C10orf88: variants seen among roughly 807,000 people sequenced by gnomAD.
The protein encoded by C10orf88 is chromosome 10 open reading frame 88.
Under a neutral mutation model 34.2 loss-of-function variants are expected in C10orf88, and 29 were observed. The ratio of observed to expected loss-of-function variants is 0.85; its 90% CI spans 0.63 to 1.16. The LOEUF (loss-of-function observed/expected upper bound fraction) is 1.16. Ranked by LOEUF, C10orf88 falls within the 50% of genes most tolerant of loss-of-function variation. The pLI is 0.00. For synonymous variants in C10orf88, 194 were observed against 197.4 expected (o/e 0.98, Z 0.15); for missense variants, 507 against 533.2 (o/e 0.95, Z 0.48).
chr10:122,943,524 G>A (rs1848605964), intron 4 of C10orf88, among the ~76,000 whole-genome samples: 1 of 151,802 alleles, frequency 6.6e-6, no homozygotes, highest in South Asian at 2.1e-4. Context: ...ATTGACAAAT[G>A]GGATCTAATT....
chr10:122,938,380 C>T (rs1043826319), intron 4 of C10orf88, among the ~76,000 whole-genome samples: 17 of 151,966 alleles, frequency 1.1e-4, no homozygotes, highest in Non-Finnish European at 2.2e-4. Context: ...GGAACATGAA[C>T]GCAGGTCACT....
At chr10:122,950,122 CTAAGTT>C (rs2133336575) in intron 3 of C10orf88, among the ~76,000 whole-genome samples, 1 of 152,266 alleles carries the variant, frequency 6.6e-6, no homozygotes, top group South Asian at 2.1e-4. Context: ...TCAGACAAAC[CTAAGTT>C]TAACTTACGA....
intron 3 of C10orf88, among the ~76,000 whole-genome samples, chr10:122,950,886 A>G (rs572652592): frequency 6.6e-6 from 1 of 152,358 alleles, no homozygotes; most frequent in African/African-American, 2.4e-5. Context: ...TGAGTTTGCT[A>G]TCTGCCTGTA....
chr10:122,934,062 A>G (rs1848510943), intron 5 of C10orf88, among the ~76,000 whole-genome samples: 3 of 152,182 alleles, frequency 2.0e-5, no homozygotes, highest in Admixed American at 2.0e-4. Context: ...ACAGTTTTTA[A>G]GAAACTCTGT....
At chr10:122,939,271 CA>C (rs762755249) in intron 4 of C10orf88, among the ~76,000 whole-genome samples, 21 of 128,566 alleles carry the variant, frequency 1.6e-4, no homozygotes, top group Non-Finnish European at 2.7e-4. Context: ...ACACAAACTA[CA>C]AAAGAAAAGA....
At chr10:122,943,147 A>G (rs1848602557) in intron 4 of C10orf88, among the ~76,000 whole-genome samples, 1 of 149,006 alleles carries the variant, frequency 6.7e-6, no homozygotes, top group Non-Finnish European at 1.5e-5. Flanking sequence ...CAGTAACCAA[A>G]ACAGCATGGT....
intron 2 of C10orf88, 89 bp from the exon 3 acceptor site, chr10:122,952,115 A>C: frequency 2.7e-6 from 2 of 746,458 alleles, no homozygotes; most frequent in South Asian, 3.7e-5. Flanking sequence ...CCAGAACAAT[A>C]TTGAAATCCT....
chr10:122,933,176 G>C (rs768483784), intron 5 of C10orf88, among the ~76,000 whole-genome samples: 17 of 152,222 alleles, frequency 1.1e-4, no homozygotes, highest in Middle Eastern at 3.4e-3. Context: ...CGTTCACAAT[G>C]AACATTAGAA....
In C10orf88 at chr10:122,948,865, A is replaced by G; in HGVS notation, c.442-10T>C. 1.2e-6 allele frequency: 2 copies of G among 1,603,648 alleles called. No homozygotes were observed. Among genetic ancestry groups the G allele is most frequent in the Non-Finnish European group, 1.7e-6 (2 of 1,176,690 alleles). ...CGCCAAAGGAGAGCAACTATTATAA[A>G]ACAAAAGTTCCAGAAAAGAATGATA... is the stretch of plus-strand genomic sequence containing the variant. On this transcript the variant is annotated splice_polypyrimidine_tract_variant and intron_variant, in intron 3 of 5. Coordinates refer to ENST00000481909, the MANE Select transcript of C10orf88 (RefSeq NM_024942.4).
At position 122,954,164 on chromosome 10, in the gene C10orf88, G is replaced by T; in HGVS notation, c.15C>A (p.Thr5=). METR[T]EDGGLTRRPT... ...GGCGGCGGGTGAGGCCCCCGTCCTC[G>T]GTCCGCGTCTCCATTCCGCCGCCTT... is the stretch of plus-strand genomic sequence containing the variant. The change falls in exon 1 of 6, where the codon ACC becomes ACA. Residue 5 remains threonine, a synonymous_variant. Coordinates refer to ENST00000481909, the MANE Select transcript of C10orf88 (RefSeq NM_024942.4). The T allele has an allele frequency of 1.3e-6, 2 of 1,572,638 alleles. No homozygotes were observed. The highest frequency in any genetic ancestry group is 2.4e-5 in the East Asian group (1 of 40,848).
chr10:122,952,954 AG>A lies in C10orf88; in HGVS notation c.242del (p.Pro81LeufsTer13). The A allele has an allele frequency of 1.2e-6, 2 of 1,614,158 alleles. No individual in the cohort carries two copies. Among genetic ancestry groups the A allele is most frequent in the East Asian group, 2.2e-5 (1 of 44,880 alleles). On this transcript the variant is annotated frameshift_variant, in exon 2 of 6. Transcript: ENST00000481909. LOFTEE classifies it high-confidence loss of function. ...NPCFLYLRCG[P>X]DGGEEIASIG... The stretch of plus-strand genomic sequence containing the variant: ...TAGAAGCGATTTCTTCACCTCCATC[AG>A]GGCCACACCTCAGGTAAAGGAAGCA...
intron 4 of C10orf88, among the ~76,000 whole-genome samples, chr10:122,948,087 T>TAA (rs1229792038): frequency 6.6e-6 from 1 of 152,210 alleles, no homozygotes; most frequent in East Asian, 1.9e-4. Flanking sequence ...GTTTATGATC[T>TAA]AGCTGAAATC....
At chr10:122,945,892 T>C (rs993451435) in intron 4 of C10orf88, among the ~76,000 whole-genome samples, 12 of 151,842 alleles carry the variant, frequency 7.9e-5, no homozygotes, top group African/African-American at 2.2e-4. Flanking sequence ...GAACCTGGAG[T>C]TCGAGACCAG....
intron 3 of C10orf88, among the ~76,000 whole-genome samples, chr10:122,949,774 TG>T (rs1342761159): frequency 6.6e-6 from 1 of 152,184 alleles, no homozygotes; most frequent in African/African-American, 2.4e-5. Context: ...CACCACAACT[TG>T]CTACTTAACA....
rs1424817571 is a variant in C10orf88 at position 122,938,160 on chromosome 10, CTAAACAAGG to C, written c.649-10_649-2del. On this transcript the variant is annotated splice_acceptor_variant and splice_polypyrimidine_tract_variant and intron_variant, in intron 4 of 5. Coordinates refer to ENST00000481909, the MANE Select transcript of C10orf88 (RefSeq NM_024942.4). LOFTEE classifies it high-confidence loss of function. Reference sequence around the variant, plus strand: ...GCTGCTCTCCAATGGGAATACAATTCTAAACAAGGTAAACAAGTAAATGTTAATATTAAT... The same window carrying C: ...GCTGCTCTCCAATGGGAATACAATTCTAAACAAGTAAATGTTAATATTAAT... 1 of 1,577,076 alleles carries C rather than the reference CTAAACAAGG, an allele frequency of 6.3e-7. No homozygotes were observed. The highest frequency in any genetic ancestry group is 8.6e-7 in the Non-Finnish European group (1 of 1,163,198).
chr10:122,937,186 T>A (rs1185664547), intron 5 of C10orf88, among the ~76,000 whole-genome samples: 1 of 151,986 alleles, frequency 6.6e-6, no homozygotes, highest in African/African-American at 2.4e-5. Context: ...TACTTAGCTA[T>A]CTCTTAATCA....
intron 4 of C10orf88, among the ~76,000 whole-genome samples, chr10:122,943,037 T>C (rs1254394285): frequency 6.6e-6 from 1 of 151,744 alleles, no homozygotes; most frequent in South Asian, 2.1e-4. Context: ...AAAGTTCATA[T>C]GGAACCAAAA....
At position 122,954,059 on chromosome 10, in the gene C10orf88, G is replaced by C. The variant is rs774784347; in HGVS notation, c.120C>G (p.Pro40=). The part of the protein sequence containing the change: ...SLLLTRAGLG[P]GDFDWEELLA... ...GCAGCTCCTCCCAGTCGAAGTCACCGGGGCCGAGACCGGCCCGGGTGAGGA... is the reference window on the plus strand; with the variant it reads ...GCAGCTCCTCCCAGTCGAAGTCACCCGGGCCGAGACCGGCCCGGGTGAGGA... Residue 40 remains proline (P), a synonymous_variant, in exon 1 of 6, where the codon CCC becomes CCG. Coordinates refer to ENST00000481909, the MANE Select transcript of C10orf88 (RefSeq NM_024942.4). 5.2e-6 allele frequency: 8 copies of C among 1,546,114 alleles called. No individual in the cohort carries two copies. In the Admixed American group the frequency reaches 1.1e-4, roughly 22 times the overall value.
rs879165401 is a variant in C10orf88 at position 122,931,006 on chromosome 10, A to C, written c.*1421T>G. 1 of 152,214 alleles carries C rather than the reference A, an allele frequency of 6.6e-6. No homozygotes were observed. Among genetic ancestry groups the C allele is most frequent in the Admixed American group, 6.5e-5 (1 of 15,276 alleles). 9.4% of individuals were successfully genotyped at this position (152,214 alleles called of 1,614,324 possible). A position where few individuals can be genotyped will look rare whatever the true frequency, so the allele number is the denominator to read the frequency against. On this transcript the variant is annotated 3_prime_UTR_variant, in exon 6 of 6. Transcript: ENST00000481909. ...ACTAATGAGGAGTGAGGGGGTTAAA[A>C]TATAATTTTTCTAATAAAGGTGTTT...
Sources: gnomAD v4.1 joint callset for allele counts (sites outside exome capture counted in the v4.1 genomes callset) on GRCh38, gnomAD v4.1.1 for gene constraint, MANE v1.5 for transcripts, NCBI Gene and HGNC (gene_info 2026-07-23, HGNC 2026-07-21) for gene names.